The following FANCD2 variants were observed in gnomAD, a reference collection of about 807,000 sequenced individuals.
The protein encoded by FANCD2 is Fanconi anemia group D2 protein.
Under a neutral mutation model 192.3 loss-of-function variants are expected in FANCD2, and 131 were observed. That is an observed-to-expected ratio of 0.68 (90% CI 0.59 to 0.79). The LOEUF (loss-of-function observed/expected upper bound fraction) is 0.79, where lower values mean the gene tolerates loss of function less well. Ranked by LOEUF, FANCD2 falls within the 30% of genes least tolerant of loss-of-function variation. The pLI is 0.00. For synonymous variants in FANCD2, 524 were observed against 612.5 expected (o/e 0.86, Z 2.13); for missense variants, 1,508 against 1,701.6 (o/e 0.89, Z 2.00).
At chr3:10,080,865 G>T (rs534449980) in intron 30 of FANCD2, among the ~76,000 whole-genome samples, 8 of 152,288 alleles carry the variant, frequency 5.3e-5, no homozygotes, top group African/African-American at 1.4e-4. Context: ...AGTTATGATA[G>T]GGCTATATGT....
chr3:10,080,871 T>C (rs1373997373), intron 30 of FANCD2, among the ~76,000 whole-genome samples: 3 of 152,260 alleles, frequency 2.0e-5, no homozygotes, highest in Non-Finnish European at 4.4e-5. Flanking sequence ...GATAGGGCTA[T>C]ATGTCTCAAT....
At position 10,035,909 on chromosome 3, in the gene FANCD2, T is replaced by C. The variant is rs757740309; in HGVS notation, c.439-378T>C. Among the ~76,000 whole-genome samples the C allele has an allele frequency of 5.9e-4, 89 of 152,082 alleles. 1 individual carries two copies. Among genetic ancestry groups the C allele is most frequent in the Admixed American group, 3.9e-3 (59 of 15,256 alleles). ...TAATAATATTTTAATTATCTGATTATTTTAACGTTGCCTTGATAATCATTT... is the reference window on the plus strand; with the variant it reads ...TAATAATATTTTAATTATCTGATTACTTTAACGTTGCCTTGATAATCATTT... On this transcript the variant is annotated intron_variant, in intron 6 of 43. Transcript: ENST00000675286.
rs907335908 is a variant in FANCD2 at position 10,034,680 on chromosome 3, T to G, written c.274-15T>G. On this transcript the variant is annotated splice_polypyrimidine_tract_variant and intron_variant, in intron 4 of 43. Transcript: ENST00000675286. The stretch of plus-strand genomic sequence containing the variant: ...TAAAAATTTTATTCTTTTTTATTTT[T>G]TAAATCTCCTTAAGATAATAGAAGA... 3 of 1,524,720 alleles carry G rather than the reference T, an allele frequency of 2.0e-6. No homozygotes were observed. The highest frequency in any genetic ancestry group is 1.2e-5 in the South Asian group (1 of 83,768). 94.4% of individuals were successfully genotyped at this position (1,524,720 alleles called of 1,614,324 possible).
rs57661428 is a variant in FANCD2 at position 10,046,055 on chromosome 3, C to CTTTTTTT, written c.1135-516_1135-510dup. ...ACTTTCATGCATATTGCTCTGTATT[C>CTTTTTTT]TTTTTTTTTTTTTTTGAGAATGGAA... On this transcript the variant is annotated intron_variant, in intron 14 of 43. Transcript: ENST00000675286. Among the ~76,000 whole-genome samples the CTTTTTTT allele has an allele frequency of 1.0e-3, 127 of 124,414 alleles. 4 individuals carry two copies. The highest frequency in any genetic ancestry group is 4.0e-3 in the African/African-American group (120 of 30,344). The allele number at this position is 124,414 out of a possible 152,430, so 81.6% of individuals were successfully genotyped here. A position where few individuals can be genotyped will look rare whatever the true frequency, so the allele number is the denominator to read the frequency against.
chr3:10,027,944 G>A (rs556774539), intron 1 of FANCD2, among the ~76,000 whole-genome samples: 1 of 150,250 alleles, frequency 6.7e-6, no homozygotes, highest in African/African-American at 2.5e-5. Flanking sequence ...TAGGCCGGGC[G>A]GCTCACACCT....
intron 43 of FANCD2, among the ~76,000 whole-genome samples, chr3:10,100,560 CAG>C (rs1424586453): frequency 1.3e-5 from 2 of 152,160 alleles, no homozygotes; most frequent in African/African-American, 4.8e-5. Flanking sequence ...TTAGTAGAGA[CAG>C]GGTTTCACCA....
intron 20 of FANCD2, 37 bp downstream of exon 20, chr3:10,062,248 T>TC: frequency 4.3e-6 from 2 of 460,852 alleles, no homozygotes. Flanking sequence ...TTTTCCTGTC[T>TC]TTTTTTTTTT....
chr3:10,084,445 A>G (rs893682064), intron 32 of FANCD2, among the ~76,000 whole-genome samples: 2 of 150,860 alleles, frequency 1.3e-5, no homozygotes, highest in African/African-American at 4.9e-5. Context: ...ATGTACCACC[A>G]TGCCCAGCTG....
At position 10,043,824 on chromosome 3, in the gene FANCD2, T is replaced by C. The variant is rs2086928061; in HGVS notation, c.1099-5T>C. 1 of 1,613,394 alleles carries C rather than the reference T, an allele frequency of 6.2e-7. No homozygotes were observed. The highest frequency in any genetic ancestry group is 1.3e-5 in the African/African-American group (1 of 74,918). ...TATTTTTGTGACTCTCTCCTGTTTT[T>C]TCAGGCAATTGAAAACACTGCCTCA... On this transcript the variant is annotated splice_region_variant and splice_polypyrimidine_tract_variant and intron_variant, in intron 13 of 43. Transcript: ENST00000675286.
At chr3:10,053,872 C>G (rs1049682259) in intron 18 of FANCD2, among the ~76,000 whole-genome samples, 1 of 152,102 alleles carries the variant, frequency 6.6e-6, no homozygotes, top group African/African-American at 2.4e-5. Context: ...GCCTTGTTTT[C>G]TAAGAAACAT....
chr3:10,064,685 C>T (rs377144926), intron 22 of FANCD2, 44 bp from the exon 23 acceptor site: 23 of 1,606,412 alleles, frequency 1.4e-5, no homozygotes, highest in East Asian at 6.7e-5. Flanking sequence ...TGTAGCCTTG[C>T]GTATTCCTGA....
intron 20 of FANCD2, 36 bp downstream of exon 20, chr3:10,062,247 C>CG: frequency 7.5e-7 from 1 of 1,340,392 alleles, no homozygotes; most frequent in African/African-American, 1.5e-5. Flanking sequence ...TTTTTCCTGT[C>CG]TTTTTTTTTT....
At position 10,042,186 on chromosome 3, in the gene FANCD2, G is replaced by T. The variant is rs183296350; in HGVS notation, c.784-373G>T. The stretch of plus-strand genomic sequence containing the variant: ...GCTGGGATTACAGGCTTGAGCCACC[G>T]TGCCTGGCCCACAGGTCTGTTTTTA... On this transcript the variant is annotated intron_variant, in intron 10 of 43. Transcript: ENST00000675286. Among the ~76,000 whole-genome samples, 49 of 152,082 alleles carry T rather than the reference G, an allele frequency of 3.2e-4. No individual in the cohort carries two copies. In the East Asian group the frequency reaches 7.3e-3, roughly 23 times the overall value.
At chr3:10,054,624 C>T (rs552816589) in intron 18 of FANCD2, among the ~76,000 whole-genome samples, 127 of 147,608 alleles carry the variant, frequency 8.6e-4, no homozygotes, top group Non-Finnish European at 1.5e-3. Context: ...GCTGGGACTA[C>T]AGGCGCCCGC....
chr3:10,030,653 A>G (rs1032110203), intron 2 of FANCD2, among the ~76,000 whole-genome samples: 7 of 152,196 alleles, frequency 4.6e-5, no homozygotes, highest in Non-Finnish European at 8.8e-5. Context: ...TAATCCCAGC[A>G]CTTTGGGAGG....
chr3:10,069,477 C>CCCT (rs1182190049), intron 26 of FANCD2, among the ~76,000 whole-genome samples: 1 of 138,120 alleles, frequency 7.2e-6, no homozygotes, highest in African/African-American at 3.1e-5. Flanking sequence ...CCCTCCCCCT[C>CCCT]CCCCTCCCCC....
chr3:10,029,222 G>A (rs1432077483), intron 2 of FANCD2, among the ~76,000 whole-genome samples: 3 of 152,166 alleles, frequency 2.0e-5, no homozygotes, highest in African/African-American at 7.2e-5. Context: ...GTTGATGGCT[G>A]GGTGCTATCG....
At chr3:10,039,411 T>C in intron 8 of FANCD2, 54 bp downstream of exon 8, 1 of 1,427,168 alleles carries the variant, frequency 7.0e-7, no homozygotes. Context: ...CTCATATCTT[T>C]TGGAGGTTGT....
At chr3:10,047,483 T>G (rs76222773) in intron 15 of FANCD2, among the ~76,000 whole-genome samples, 7 of 11,786 alleles carry the variant, frequency 5.9e-4, no homozygotes, top group African/African-American at 2.9e-3. Context: ...TATTGGTAGG[T>G]TATGATCACT....
Sources: allele counts gnomAD v4.1 joint callset (sites outside exome capture counted in the v4.1 genomes callset), GRCh38; gene constraint gnomAD v4.1.1; transcripts MANE v1.5; gene names NCBI Gene and HGNC (gene_info 2026-07-23, HGNC 2026-07-21).